Variants in RASEF observed in about 807,000 individuals in gnomAD.
The protein encoded by RASEF is ras and EF-hand domain-containing protein.
A neutral mutation model predicts 90.1 loss-of-function variants in RASEF; 68 were observed. The observed-to-expected ratio is 0.75, with a 90% CI of 0.62 to 0.92. The LOEUF is 0.92. RASEF is among the 40% of genes least tolerant of loss of function. The pLI, the probability that RASEF is intolerant of heterozygous loss-of-function variation, is 0.00. For missense variants in RASEF, 949 were observed against 937.2 expected (o/e 1.01, Z -0.16); for synonymous variants, 331 against 345.2 (o/e 0.96, Z 0.46).
At chr9:83,185,852 A>AAC in the RASEF span, among the ~76,000 whole-genome samples, 1 of 152,060 alleles carries the variant, frequency 6.6e-6, no homozygotes, top group Non-Finnish European at 1.5e-5. Context: ...TCTCAGCTGA[A>AAC]CTTCTGACAC....
At chr9:83,198,835 GGGGGGAGGGATAAATGTA>G in the RASEF span, among the ~76,000 whole-genome samples, 1 of 148,806 alleles carries the variant, frequency 6.7e-6, no homozygotes, top group African/African-American at 2.6e-5. Context: ...AAATAGAATG[GGGGGGAGGGATAAATGTA>G]GGGGAGGGAT....
the RASEF span, among the ~76,000 whole-genome samples, chr9:83,149,072 G>C: frequency 1.1e-3 from 160 of 152,292 alleles, no homozygotes; most frequent in African/African-American, 3.6e-3. Flanking sequence ...TCGGTGATAG[G>C]GATCTGCCAC....
chr9:83,145,802 C>T, the RASEF span, among the ~76,000 whole-genome samples: 3 of 152,024 alleles, frequency 2.0e-5, no homozygotes, highest in Non-Finnish European at 4.4e-5. Flanking sequence ...ATCTTATGTG[C>T]TATTAAGATG....
chr9:83,008,891 CATATATA>C (rs1254383225), intron 6 of RASEF, among the ~76,000 whole-genome samples: 391 of 19,560 alleles, frequency 0.02, 51 homozygotes, highest in East Asian at 0.18. Context: ...AAGTTCTCAT[CATATATA>C]TATATATATA....
chr9:83,096,515 C>A, the RASEF span, among the ~76,000 whole-genome samples: 1 of 152,116 alleles, frequency 6.6e-6, no homozygotes, highest in African/African-American at 2.4e-5. Flanking sequence ...AAGCTCATGA[C>A]TGTTACTTGA....
At chr9:83,015,266 A>T (rs951214510) in intron 4 of RASEF, among the ~76,000 whole-genome samples, 1 of 152,252 alleles carries the variant, frequency 6.6e-6, no homozygotes, top group Non-Finnish European at 1.5e-5. Context: ...AAGCTGGTGA[A>T]GACCAAGGAA....
intron 6 of RASEF, among the ~76,000 whole-genome samples, chr9:83,009,110 G>C (rs1011691920): frequency 6.6e-6 from 1 of 151,206 alleles, no homozygotes; most frequent in Non-Finnish European, 1.5e-5. Context: ...TTTTTCCCAA[G>C]TGTACATGTC....
chr9:83,018,287 G>A (rs1191938319), intron 3 of RASEF, among the ~76,000 whole-genome samples: 6 of 152,018 alleles, frequency 3.9e-5, no homozygotes, highest in African/African-American at 7.2e-5. Context: ...TACAGAATAC[G>A]AGACCAATCT....
the RASEF span, among the ~76,000 whole-genome samples, chr9:83,135,122 G>T: frequency 6.6e-6 from 1 of 152,082 alleles, no homozygotes; most frequent in Non-Finnish European, 1.5e-5. Context: ...GGGGGTACAG[G>T]ATTTCTTTGG....
chr9:83,027,545 T>C (rs1450973564), intron 1 of RASEF, among the ~76,000 whole-genome samples: 5 of 152,222 alleles, frequency 3.3e-5, no homozygotes, highest in Non-Finnish European at 7.3e-5. Flanking sequence ...TTTCTTATTG[T>C]ATCACACTAT....
chr9:83,087,401 T>C, the RASEF span, among the ~76,000 whole-genome samples: 2 of 60,392 alleles, frequency 3.3e-5, no homozygotes, highest in African/African-American at 7.1e-5. Flanking sequence ...AATGTTCTCA[T>C]TCATTCTCTC....
chr9:83,172,002 G>T, the RASEF span, among the ~76,000 whole-genome samples: 1 of 151,636 alleles, frequency 6.6e-6, no homozygotes, highest in Non-Finnish European at 1.5e-5. Flanking sequence ...TGTATCGTTA[G>T]GTTGTTTATT....
At chr9:83,088,832 T>C in the RASEF span, among the ~76,000 whole-genome samples, 1 of 152,120 alleles carries the variant, frequency 6.6e-6, no homozygotes, top group East Asian at 1.9e-4. Context: ...AGTGAATCTC[T>C]TATAGATACC....
chr9:83,197,897 T>C, the RASEF span, among the ~76,000 whole-genome samples: 1 of 152,206 alleles, frequency 6.6e-6, no homozygotes, highest in Non-Finnish European at 1.5e-5. Context: ...GAGCTTGGTC[T>C]TGAAATGCTT....
At chr9:83,130,997 C>G in the RASEF span, among the ~76,000 whole-genome samples, 25 of 152,314 alleles carry the variant, frequency 1.6e-4, no homozygotes, top group African/African-American at 5.1e-4. Flanking sequence ...GGTTTTAGCT[C>G]TAACACTAGC....
the RASEF span, among the ~76,000 whole-genome samples, chr9:83,177,096 C>T: frequency 6.6e-6 from 1 of 152,038 alleles, no homozygotes; most frequent in Non-Finnish European, 1.5e-5. Flanking sequence ...TTCCACAATA[C>T]AAGTATATAC....
At chr9:83,199,153 T>C in the RASEF span, among the ~76,000 whole-genome samples, 1 of 151,152 alleles carries the variant, frequency 6.6e-6, no homozygotes, top group Non-Finnish European at 1.5e-5. Flanking sequence ...GGTTTGCACA[T>C]TCGGAAGTTG....
At chr9:82,990,216 G>A (rs534281333) in intron 16 of RASEF, among the ~76,000 whole-genome samples, 175 bp downstream of exon 16, 2 of 152,298 alleles carry the variant, frequency 1.3e-5, no homozygotes, top group South Asian at 4.1e-4. Flanking sequence ...TATTTTGCCA[G>A]TGTTGACAGC....
intron 1 of RASEF, among the ~76,000 whole-genome samples, chr9:83,058,776 T>C (rs1364078406): frequency 3.3e-5 from 5 of 152,236 alleles, no homozygotes; most frequent in Admixed American, 2.0e-4. Context: ...GTAAGCCGTT[T>C]TGCCAATCTC....
Sources: gnomAD v4.1 joint callset for allele counts (sites outside exome capture counted in the v4.1 genomes callset) on GRCh38, gnomAD v4.1.1 for gene constraint, MANE v1.5 for transcripts, NCBI Gene and HGNC (gene_info 2026-07-23, HGNC 2026-07-21) for gene names.